SNX25: variants seen among roughly 807,000 people sequenced by gnomAD.
SNX25 encodes the protein sorting nexin 25.
Under a neutral mutation model 113.7 loss-of-function variants are expected in SNX25, and 62 were observed. The ratio of observed to expected loss-of-function variants is 0.55; its 90% CI spans 0.44 to 0.67. SNX25 has a LOEUF of 0.67. Ranked by LOEUF, SNX25 falls within the 30% of genes least tolerant of loss-of-function variation. SNX25 has a pLI of 0.00. For missense variants in SNX25, 1,014 were observed against 1,161.0 expected (o/e 0.87, Z 1.84); for synonymous variants, 421 against 436.2 (o/e 0.97, Z 0.43).
rs369578415 is a variant in SNX25, at chr4:185,351,429, C to G, written c.2302-16C>G. 5 of 1,611,704 alleles carry G rather than the reference C, an allele frequency of 3.1e-6. No individual in the cohort carries two copies. The highest frequency in any genetic ancestry group is 4.2e-6 in the Non-Finnish European group (5 of 1,179,052). The stretch of plus-strand genomic sequence containing the variant: ...AGTTTCCCACACTGGAGCAGTTAAT[C>G]CTCTTTCTTCCATAGAATCTGCTTT... On this transcript the variant is annotated splice_polypyrimidine_tract_variant and intron_variant, in intron 13 of 18. Coordinates refer to ENST00000652585, the MANE Select transcript of SNX25 (RefSeq NM_001378034.2).
At chr4:185,371,722 C>G (rs968129477), downstream of SNX25, among the ~76,000 whole-genome samples, 2 of 152,188 alleles carry the variant, frequency 1.3e-5, no homozygotes, top group Admixed American at 1.3e-4. Context: ...GATTTAAAGT[C>G]TTAGTTCTAA....
rs554126216 is a variant in SNX25, at chr4:185,237,838, G to A, written c.430-9456G>A. On this transcript the variant is annotated intron_variant, in intron 1 of 18. Transcript: ENST00000652585. Reference sequence around the variant, plus strand: ...AGCACTTTGGGAGGCCGAGGTGGGCGGATCACCTGAGGTCAGGAGTTCGAG... The same window carrying A: ...AGCACTTTGGGAGGCCGAGGTGGGCAGATCACCTGAGGTCAGGAGTTCGAG... 9.9e-4 allele frequency among the ~76,000 whole-genome samples: 150 copies of A among 151,732 alleles called. 1 individual carries two copies. Among genetic ancestry groups the A allele is most frequent in the African/African-American group, 3.4e-3 (140 of 41,342 alleles).
At chr4:185,263,173 A>G (rs1747566397) in intron 3 of SNX25, among the ~76,000 whole-genome samples, 1 of 152,138 alleles carries the variant, frequency 6.6e-6, no homozygotes, top group Non-Finnish European at 1.5e-5. Context: ...CGGAGAAGGG[A>G]CTGTGTACCG....
chr4:185,231,883 T>C (rs1335550270), intron 1 of SNX25, among the ~76,000 whole-genome samples: 2 of 152,334 alleles, frequency 1.3e-5, no homozygotes, highest in East Asian at 3.9e-4. Context: ...TAGATTTAAT[T>C]GCATTGTATT....
intron 9 of SNX25, among the ~76,000 whole-genome samples, chr4:185,328,950 G>T (rs562613875): frequency 1.7e-4 from 26 of 152,222 alleles, no homozygotes; most frequent in Admixed American, 8.5e-4. Flanking sequence ...ATGAGAATAC[G>T]GAGGGGGTTC....
At chr4:185,346,737 C>CT in intron 13 of SNX25, 87 bp downstream of exon 13, 1 of 856,926 alleles carries the variant, frequency 1.2e-6, no homozygotes, top group Non-Finnish European at 1.8e-6. Flanking sequence ...TGGTAGTTTG[C>CT]TTTTTGTTCT....
chr4:185,371,384 T>C (rs957036379), downstream of SNX25, among the ~76,000 whole-genome samples: 2 of 151,328 alleles, frequency 1.3e-5, no homozygotes, highest in East Asian at 3.9e-4. Flanking sequence ...CTAAAAAAGA[T>C]ACAAAAAATT....
At chr4:185,338,059 G>A (rs1436460377) in intron 10 of SNX25, among the ~76,000 whole-genome samples, 1 of 152,152 alleles carries the variant, frequency 6.6e-6, no homozygotes, top group Non-Finnish European at 1.5e-5. Context: ...CTATAATCTG[G>A]AGATGAAACC....
At position 185,283,990 on chromosome 4, in the gene SNX25, AT is replaced by A. The variant is rs568512428; in HGVS notation, c.1092-4020del. On this transcript the variant is annotated intron_variant, in intron 5 of 18. Coordinates refer to ENST00000652585, the MANE Select transcript of SNX25 (RefSeq NM_001378034.2). ...ATCACAAAGAATATCAAAAGAATAA[AT>A]TGTTCAGAATATTATTTTTACCTGT... Among the ~76,000 whole-genome samples, 19 of 152,344 alleles carry A rather than the reference AT, an allele frequency of 1.2e-4. No homozygotes were observed. In the South Asian group the frequency reaches 3.7e-3, roughly 30 times the overall value.
At chr4:185,377,700 C>T in the SNX25 span, 5 of 174,618 alleles carry the variant, frequency 2.9e-5, no homozygotes, top group South Asian at 5.7e-4. Context: ...AATGAGAGTT[C>T]CTCTAACCAA....
At chr4:185,310,378 G>C (rs1319728973) in intron 6 of SNX25, among the ~76,000 whole-genome samples, 2 of 152,126 alleles carry the variant, frequency 1.3e-5, no homozygotes, top group African/African-American at 4.8e-5. Context: ...GAGTGCATTT[G>C]TACAGAGGTT....
intron 11 of SNX25, among the ~76,000 whole-genome samples, chr4:185,341,454 G>A (rs1382818144): frequency 1.3e-5 from 2 of 152,176 alleles, no homozygotes; most frequent in Non-Finnish European, 2.9e-5. Flanking sequence ...CTTTTGCTGT[G>A]TAACACATTT....
chr4:185,232,287 G>C lies in SNX25; in HGVS notation c.430-15007G>C, dbSNP rs1296988895. The stretch of plus-strand genomic sequence containing the variant: ...CCTTGCCCAGTTCCTCATTGGTCTA[G>C]TACTACGGGGTTACAATCTTCCCGG... On this transcript the variant is annotated intron_variant, in intron 1 of 18. Coordinates refer to ENST00000652585, the MANE Select transcript of SNX25 (RefSeq NM_001378034.2). The surrounding 1 kb of genome is among the most constrained non-coding windows in gnomAD (Gnocchi z 4.4). 6.6e-6 allele frequency among the ~76,000 whole-genome samples: 1 copy of C among 152,134 alleles called. No homozygotes were observed. Among genetic ancestry groups the C allele is most frequent in the African/African-American group, 2.4e-5 (1 of 41,402 alleles).
Position 185,308,954 on chromosome 4 carries a change from C to G in SNX25, c.1163-1681C>G, listed in dbSNP as rs142240765. Among the ~76,000 whole-genome samples, 10 of 152,316 alleles carry G rather than the reference C, an allele frequency of 6.6e-5. No homozygotes were observed. The East Asian group carries it at 1.9e-3, about 29-fold the overall frequency. The stretch of plus-strand genomic sequence containing the variant: ...GTCTTTTACTGTGTAACAAACTACC[C>G]TAAAACATAGTGTCTTTAACAACAG... On this transcript the variant is annotated intron_variant, in intron 6 of 18. Transcript: ENST00000652585.
In SNX25 at chr4:185,210,283, C is replaced by T. The variant is rs939131895; in HGVS notation, c.429+28C>T. ...AAGTACCCGACTCCTGGCCGCCCAG[C>T]TCCGCCGGCCCTCCCCGCTTCCGGT... On this transcript the variant is annotated intron_variant, in intron 1 of 18. Coordinates refer to ENST00000652585, the MANE Select transcript of SNX25 (RefSeq NM_001378034.2). The surrounding 1 kb of genome is among the most constrained non-coding windows in gnomAD (Gnocchi z 4.4). 5 of 984,610 alleles carry T rather than the reference C, an allele frequency of 5.1e-6. No individual in the cohort carries two copies. In the African/African-American group the frequency reaches 7.0e-5, roughly 14 times the overall value. The allele number at this position is 984,610 out of a possible 1,614,324, so 61.0% of individuals were successfully genotyped here.
At chr4:185,337,750 C>G (rs2095239193) in intron 10 of SNX25, among the ~76,000 whole-genome samples, 1 of 152,204 alleles carries the variant, frequency 6.6e-6, no homozygotes, top group African/African-American at 2.4e-5. Context: ...CATGTCCTCC[C>G]TGCCAACACT....
At chr4:185,375,498 A>ATATATATATATATATATATATG in the SNX25 span, 1 of 60,308 alleles carries the variant, frequency 1.7e-5, no homozygotes, top group Non-Finnish European at 2.7e-5. Context: ...ATATATATAT[A>ATATATATATATATATATATATG]TATATATATA....
chr4:185,234,273 A>G (rs1742290642), intron 1 of SNX25, among the ~76,000 whole-genome samples: 1 of 152,212 alleles, frequency 6.6e-6, no homozygotes, highest in South Asian at 2.1e-4. Context: ...TTCACCAGGA[A>G]ACATTACGAA....
rs542858254 is a variant in SNX25 at position 185,349,310 on chromosome 4, T to C, written c.2302-2135T>C. Among the ~76,000 whole-genome samples, 10 of 152,358 alleles carry C rather than the reference T, an allele frequency of 6.6e-5. 1 individual carries two copies. The South Asian group carries it at 2.1e-3, about 32-fold the overall frequency. On this transcript the variant is annotated intron_variant, in intron 13 of 18. Coordinates refer to ENST00000652585, the MANE Select transcript of SNX25 (RefSeq NM_001378034.2). ...ATACCACGTTTTCTCTATCCAGTCA[T>C]CTGTTGGACGCCTAAGTTGATGCCA...
Sources: allele counts gnomAD v4.1 joint callset (sites outside exome capture counted in the v4.1 genomes callset), GRCh38; gene constraint gnomAD v4.1.1; non-coding constraint Gnocchi (gnomAD v3.1); transcripts MANE v1.5; gene names NCBI Gene and HGNC (gene_info 2026-07-23, HGNC 2026-07-21).